Variants in MBNL2 observed in about 807,000 individuals in gnomAD.
MBNL2 encodes muscleblind-like protein 2.
In MBNL2, 17 loss-of-function variants were observed where a neutral mutation model predicts 41.9. The ratio of observed to expected loss-of-function variants is 0.41; its 90% CI spans 0.28 to 0.61. The LOEUF (loss-of-function observed/expected upper bound fraction) is 0.61. MBNL2 is among the 20% of genes least tolerant of loss of function. The pLI is 0.35. For synonymous variants in MBNL2, 195 were observed against 182.9 expected (o/e 1.07, Z -0.53); for missense variants, 336 against 505.6 (o/e 0.66, Z 3.22).
At chr13:97,260,955 A>G (rs1399894584) in intron 1 of MBNL2, among the ~76,000 whole-genome samples, 1 of 151,990 alleles carries the variant, frequency 6.6e-6, no homozygotes, top group Non-Finnish European at 1.5e-5. Context: ...AACACTTCTC[A>G]GTAAGTGTTT....
At chr13:97,245,240 T>C (rs904878137) in intron 1 of MBNL2, among the ~76,000 whole-genome samples, 11 of 152,120 alleles carry the variant, frequency 7.2e-5, no homozygotes, top group African/African-American at 2.4e-4. Context: ...TTCTGATCAG[T>C]TGGTGGTGGC....
the MBNL2 span, among the ~76,000 whole-genome samples, chr13:97,152,132 G>A: frequency 6.6e-6 from 1 of 152,124 alleles, no homozygotes; most frequent in East Asian, 1.9e-4. Flanking sequence ...CAAAGAAGAT[G>A]AAGTCTTTTT....
intron 8 of MBNL2, among the ~76,000 whole-genome samples, chr13:97,377,906 G>A (rs181827101): frequency 6.2e-4 from 94 of 152,282 alleles, no homozygotes; most frequent in Middle Eastern, 3.4e-3. Flanking sequence ...GGTTTAACGT[G>A]AACTAGAAAG....
At chr13:97,298,366 C>T (rs2057284614) in intron 2 of MBNL2, among the ~76,000 whole-genome samples, 1 of 152,094 alleles carries the variant, frequency 6.6e-6, no homozygotes, top group Non-Finnish European at 1.5e-5. Context: ...TCCTTCTCTC[C>T]CTGGAATATA....
chr13:97,144,890 A>C, the MBNL2 span, among the ~76,000 whole-genome samples: 2 of 152,252 alleles, frequency 1.3e-5, no homozygotes, highest in African/African-American at 2.4e-5. Context: ...AAGGACCCTG[A>C]CATAGAGCTG....
intron 6 of MBNL2, among the ~76,000 whole-genome samples, chr13:97,357,147 G>T (rs1228432645): frequency 4.6e-5 from 7 of 152,124 alleles, no homozygotes; most frequent in Admixed American, 3.9e-4. Flanking sequence ...TTAAAGAAAA[G>T]AATAGGTATT....
rs1409159496 is a variant in MBNL2 at position 97,268,484 on chromosome 13, G to C, written c.-604-7148G>C. Among the ~76,000 whole-genome samples the C allele has an allele frequency of 6.6e-6, 1 of 152,190 alleles. No homozygotes were observed. Among genetic ancestry groups the C allele is most frequent in the Non-Finnish European group, 1.5e-5 (1 of 68,038 alleles). ...ACACTTTAAAAACCGCTGGACTAAA[G>C]ATCTGGGCATTGAGGCTCACGGTGT... On this transcript the variant is annotated intron_variant, in intron 1 of 8. Transcript: ENST00000679496. This position sits in a 1 kb window ranked among gnomAD's most constrained non-coding sequence, Gnocchi z 4.6.
Position 97,291,914 on chromosome 13 carries a change from AAAAG to A in MBNL2, c.174+15506_174+15509del, listed in dbSNP as rs1448940123. ...CGTCTCCGTCTCAAAAAAAAAAAAA[AAAAG>A]TGGGCTGGGTGCGGTGGCTCACGCC... On this transcript the variant is annotated intron_variant, in intron 2 of 8. Transcript: ENST00000679496. Among the ~76,000 whole-genome samples the A allele has an allele frequency of 3.2e-5, 4 of 126,948 alleles. No individual in the cohort carries two copies. In the South Asian group the frequency reaches 8.1e-4, roughly 26 times the overall value. 83.3% of individuals were successfully genotyped at this position (126,948 alleles called of 152,430 possible).
chr13:97,270,883 A>T (rs963251600), intron 1 of MBNL2, among the ~76,000 whole-genome samples: 1 of 152,112 alleles, frequency 6.6e-6, no homozygotes, highest in East Asian at 1.9e-4. Flanking sequence ...TTTTCCCCAC[A>T]TCTGCCTGCC....
At chr13:97,338,443 T>C (rs181676214) in intron 3 of MBNL2, among the ~76,000 whole-genome samples, 1 of 152,352 alleles carries the variant, frequency 6.6e-6, no homozygotes, top group African/African-American at 2.4e-5. Context: ...GTTCAATCAA[T>C]GTACACAGTG....
At position 97,238,885 on chromosome 13, in the gene MBNL2, T is replaced by C. The variant is rs182430065; in HGVS notation, c.-605+16354T>C. On this transcript the variant is annotated intron_variant, in intron 1 of 8. Coordinates refer to ENST00000679496, the MANE Select transcript of MBNL2 (RefSeq NM_001382683.1). Reference sequence around the variant, plus strand: ...CTGGGAAAAAATGGTTTTTGAAAATTGATAGGCTTAAGTATGATTCTGCTC... The same window carrying C: ...CTGGGAAAAAATGGTTTTTGAAAATCGATAGGCTTAAGTATGATTCTGCTC... Among the ~76,000 whole-genome samples the C allele has an allele frequency of 5.9e-5, 9 of 152,302 alleles. No homozygotes were observed. The East Asian group carries it at 1.7e-3, about 29-fold the overall frequency.
At chr13:97,347,577 G>T (rs1250309052) in intron 5 of MBNL2, among the ~76,000 whole-genome samples, 1 of 152,232 alleles carries the variant, frequency 6.6e-6, no homozygotes, top group South Asian at 2.1e-4. Flanking sequence ...CAAGGGCAAT[G>T]CTGGTCAGAT....
chr13:97,146,667 A>C, the MBNL2 span, among the ~76,000 whole-genome samples: 1 of 152,168 alleles, frequency 6.6e-6, no homozygotes, highest in Non-Finnish European at 1.5e-5. Context: ...CCAAAGCCAC[A>C]TTCTAGAATA....
chr13:97,172,275 C>T, the MBNL2 span, among the ~76,000 whole-genome samples: 2 of 152,164 alleles, frequency 1.3e-5, no homozygotes, highest in Non-Finnish European at 1.5e-5. Flanking sequence ...GGCTGTCTTC[C>T]ACCTAGCCCT....
chr13:97,185,117 A>T, the MBNL2 span, among the ~76,000 whole-genome samples: 1 of 152,188 alleles, frequency 6.6e-6, no homozygotes, highest in Non-Finnish European at 1.5e-5. Flanking sequence ...GAGTGTTCAT[A>T]CCTTAAGTTA....
chr13:97,152,558 TAATC>T, the MBNL2 span, among the ~76,000 whole-genome samples: 1 of 152,076 alleles, frequency 6.6e-6, no homozygotes, highest in Admixed American at 6.6e-5. Flanking sequence ...AGTAAAGAAA[TAATC>T]AACATTCAGA....
chr13:97,318,753 G>A (rs1566413726), intron 2 of MBNL2, among the ~76,000 whole-genome samples: 1 of 152,160 alleles, frequency 6.6e-6, no homozygotes, highest in African/African-American at 2.4e-5. Context: ...CAGTTTACAG[G>A]CAGGTCCTAA....
At chr13:97,373,445 A>C (rs1394859762) in intron 8 of MBNL2, among the ~76,000 whole-genome samples, 1 of 151,256 alleles carries the variant, frequency 6.6e-6, no homozygotes, top group African/African-American at 2.4e-5. Flanking sequence ...TGAGATTGAA[A>C]CCTGCACAAT....
intron 8 of MBNL2, 31 bp from the exon 9 acceptor site, chr13:97,391,291 C>G (rs1425338742): frequency 3.1e-6 from 3 of 959,556 alleles, no homozygotes; most frequent in Admixed American, 3.5e-5. Context: ...CAGAAGGATA[C>G]CTAAATCATG....
Sources: gnomAD v4.1 joint callset for allele counts (sites outside exome capture counted in the v4.1 genomes callset) on GRCh38, gnomAD v4.1.1 for gene constraint, Gnocchi (gnomAD v3.1) non-coding constraint, MANE v1.5 for transcripts, NCBI Gene and HGNC (gene_info 2026-07-23, HGNC 2026-07-21) for gene names.